The following RPS6KA2 variants were observed in gnomAD, a reference collection of about 807,000 sequenced individuals.
The protein encoded by RPS6KA2 is ribosomal protein S6 kinase alpha-2.
Under a neutral mutation model 91.8 loss-of-function variants are expected in RPS6KA2, and 42 were observed. That is an observed-to-expected ratio of 0.46 (90% CI 0.36 to 0.59). The LOEUF (loss-of-function observed/expected upper bound fraction) is 0.59, where lower values mean the gene tolerates loss of function less well. Ranked by LOEUF, RPS6KA2 falls within the 20% of genes least tolerant of loss-of-function variation. The pLI, the probability that RPS6KA2 is intolerant of heterozygous loss-of-function variation, is 0.00. For missense variants in RPS6KA2, 798 were observed against 978.5 expected (o/e 0.82, Z 2.46); for synonymous variants, 414 against 393.6 (o/e 1.05, Z -0.61).
intron 2 of RPS6KA2, among the ~76,000 whole-genome samples, chr6:166,842,186 A>C (rs1468850454): frequency 6.6e-6 from 1 of 152,210 alleles, no homozygotes; most frequent in African/African-American, 2.4e-5. Context: ...GTTCCCAAGC[A>C]CAGTATCTGC....
chr6:166,845,706 C>G (rs1319241986), intron 2 of RPS6KA2, among the ~76,000 whole-genome samples: 2 of 152,084 alleles, frequency 1.3e-5, no homozygotes, highest in Non-Finnish European at 2.9e-5. Context: ...TGGGATACAG[C>G]AAATGCAGTG....
Position 166,767,775 on chromosome 6 carries a change from A to T in RPS6KA2, c.123+90425T>A. The stretch of plus-strand genomic sequence containing the variant: ...AGAACTAAAGACAATACCTCCTCAA[A>T]CACACACACACACACACACACACAC... On this transcript the variant is annotated intron_variant, in intron 2 of 21. Transcript: ENST00000503859. The surrounding 1 kb of genome is among the most constrained non-coding windows in gnomAD (Gnocchi z 4.6). Among the ~76,000 whole-genome samples the T allele has an allele frequency of 3.1e-4, 1 of 3,272 alleles. No homozygotes were observed. Among genetic ancestry groups the T allele is most frequent in the South Asian group, 6.6e-3 (1 of 152 alleles). 2.1% of individuals were successfully genotyped at this position (3,272 alleles called of 152,430 possible).
intron 1 of RPS6KA2, among the ~76,000 whole-genome samples, chr6:166,602,044 A>C (rs531284335): frequency 6.6e-6 from 1 of 152,372 alleles, no homozygotes; most frequent in South Asian, 2.1e-4. Flanking sequence ...AGAGAAAAGG[A>C]GAACAGGAAC....
chr6:166,561,899 G>A (rs772235967), intron 1 of RPS6KA2, among the ~76,000 whole-genome samples: 1 of 152,116 alleles, frequency 6.6e-6, no homozygotes, highest in African/African-American at 2.4e-5. Context: ...AGGGAGGAGA[G>A]AGCGGCCACC....
intron 2 of RPS6KA2, among the ~76,000 whole-genome samples, chr6:166,643,477 C>T (rs1487461127): frequency 6.6e-6 from 1 of 152,192 alleles, no homozygotes; most frequent in Admixed American, 6.5e-5. Context: ...AAAAGCACTA[C>T]ATATTGATGA....
intron 14 of RPS6KA2, among the ~76,000 whole-genome samples, chr6:166,441,147 C>T (rs1205042454): frequency 1.3e-5 from 2 of 152,200 alleles, no homozygotes; most frequent in Admixed American, 1.3e-4. Context: ...CGTCTCCTTC[C>T]TTGTCCATCT....
At chr6:166,420,101 T>G in intron 17 of RPS6KA2, 143 bp from the exon 18 acceptor site, 1 of 723,318 alleles carries the variant, frequency 1.4e-6, no homozygotes, top group East Asian at 2.8e-5. Context: ...CCACTGTTTC[T>G]TAAGGCAAAG....
chr6:166,567,125 G>A (rs554232528), intron 1 of RPS6KA2, among the ~76,000 whole-genome samples: 7 of 152,290 alleles, frequency 4.6e-5, no homozygotes, highest in Admixed American at 3.9e-4. Flanking sequence ...AAACACAGAG[G>A]CCTTCGCTGC....
intron 10 of RPS6KA2, among the ~76,000 whole-genome samples, chr6:166,481,400 C>T (rs184320360): frequency 1.3e-5 from 2 of 152,392 alleles, no homozygotes; most frequent in East Asian, 3.8e-4. Flanking sequence ...GCTCTGGAAT[C>T]AAGCCAAGGT....
intron 2 of RPS6KA2, among the ~76,000 whole-genome samples, chr6:166,851,700 C>G (rs1780751126): frequency 6.6e-6 from 1 of 152,166 alleles, no homozygotes; most frequent in Non-Finnish European, 1.5e-5. Context: ...TCCTCTGTTT[C>G]TCGGAAAGAA....
chr6:166,639,518 G>A lies in RPS6KA2; in HGVS notation c.124-100734C>T, dbSNP rs1787361013. ...ATCTGGTTCAGTTACCCCAGGGCAT[G>A]CATAGCTCCAGAGCTTGGAAGCTTG... On this transcript the variant is annotated intron_variant, in intron 2 of 21. Transcript: ENST00000503859. The surrounding 1 kb of genome is among the most constrained non-coding windows in gnomAD (Gnocchi z 4.2). 6.6e-6 allele frequency among the ~76,000 whole-genome samples: 1 copy of A among 152,188 alleles called. No individual in the cohort carries two copies. The highest frequency in any genetic ancestry group is 1.5e-5 in the Non-Finnish European group (1 of 68,044).
rs189952800 is a variant in RPS6KA2 at position 166,493,781 on chromosome 6, C to T, written c.748-3040G>A. 1.3e-3 allele frequency among the ~76,000 whole-genome samples: 202 copies of T among 152,304 alleles called. 1 individual carries two copies. The highest frequency in any genetic ancestry group is 4.5e-3 in the African/African-American group (186 of 41,558). On this transcript the variant is annotated intron_variant, in intron 8 of 20. Transcript: ENST00000265678. The surrounding 1 kb of genome is among the most constrained non-coding windows in gnomAD (Gnocchi z 4.7). ...TGCCCGGGAGCCCTGGTGCTACAGG[C>T]GTCCACTGAGGGAGGCACAGATGCT...
chr6:166,410,244 T>A lies in RPS6KA2; in HGVS notation c.*2518A>T, dbSNP rs1464964311. ...CAGTTAACTTTTGGGGAGGTCTATG[T>A]CATTTGTGCAAATCATACGGAGCAT... is the stretch of plus-strand genomic sequence containing the variant. On this transcript the variant is annotated 3_prime_UTR_variant, in exon 21 of 21. Transcript: ENST00000265678. 6.6e-6 allele frequency: 1 copy of A among 152,252 alleles called. No individual in the cohort carries two copies. The highest frequency in any genetic ancestry group is 2.4e-5 in the African/African-American group (1 of 41,460). 9.4% of individuals were successfully genotyped at this position (152,252 alleles called of 1,614,324 possible). A position where few individuals can be genotyped will look rare whatever the true frequency, so the allele number is the denominator to read the frequency against.
rs1778642463 is a variant in RPS6KA2, at chr6:166,419,238, G to A, written c.1820+644C>T. Among the ~76,000 whole-genome samples the A allele has an allele frequency of 6.6e-6, 1 of 152,198 alleles. No homozygotes were observed. The highest frequency in any genetic ancestry group is 6.5e-5 in the Admixed American group (1 of 15,278). ...GCCTCCATTCAAGTATTTAATAAAC[G>A]TAATAGGAACCAGCGGATCTTGTAA... On this transcript the variant is annotated intron_variant, in intron 18 of 20. Transcript: ENST00000265678. The surrounding 1 kb of genome is among the most constrained non-coding windows in gnomAD (Gnocchi z 5.6).
In RPS6KA2 at chr6:166,533,338, C is replaced by T. The variant is rs367872553; in HGVS notation, c.217-2025G>A. On this transcript the variant is annotated intron_variant, in intron 2 of 20. Transcript: ENST00000265678. This position sits in a 1 kb window ranked among gnomAD's most constrained non-coding sequence, Gnocchi z 4.0. ...CAGGACAGTGCAGGGAGGAGGCAGGCGCAGCCCAGGAGTCCAGGAGCTGGG... is the reference window on the plus strand; with the variant it reads ...CAGGACAGTGCAGGGAGGAGGCAGGTGCAGCCCAGGAGTCCAGGAGCTGGG... Among the ~76,000 whole-genome samples the T allele has an allele frequency of 1.1e-3, 167 of 152,308 alleles. No homozygotes were observed. Among genetic ancestry groups the T allele is most frequent in the African/African-American group, 3.3e-3 (139 of 41,564 alleles).
chr6:166,636,351 C>G (rs990890218), intron 2 of RPS6KA2, among the ~76,000 whole-genome samples: 7 of 152,172 alleles, frequency 4.6e-5, no homozygotes, highest in Admixed American at 3.3e-4. Context: ...CCTGCAGAGG[C>G]CTTTCTGGAT....
chr6:166,541,325 G>A lies in RPS6KA2; in HGVS notation c.100-2541C>T, dbSNP rs533816647. Among the ~76,000 whole-genome samples the A allele has an allele frequency of 4.6e-5, 7 of 152,318 alleles. No homozygotes were observed. The South Asian group carries it at 1.5e-3, about 32-fold the overall frequency. ...ACACTGCAGCCACCACCCTTTCCTG[G>A]GGCACGTTTCCCAGCCCTTGTGTAT... is the stretch of plus-strand genomic sequence containing the variant. On this transcript the variant is annotated intron_variant, in intron 1 of 20. Transcript: ENST00000265678.
At chr6:166,801,367 A>G (rs1266319025) in intron 2 of RPS6KA2, among the ~76,000 whole-genome samples, 2 of 152,072 alleles carry the variant, frequency 1.3e-5, no homozygotes, top group African/African-American at 4.8e-5. Context: ...TTTTGAGATG[A>G]GGACTCGATC....
intron 2 of RPS6KA2, among the ~76,000 whole-genome samples, chr6:166,721,243 G>A (rs1426172815): frequency 1.3e-5 from 2 of 152,210 alleles, no homozygotes; most frequent in African/African-American, 2.4e-5. Flanking sequence ...TCGGGGGTGC[G>A]ACTGAGGGTC....
Sources: gnomAD v4.1 joint callset for allele counts (sites outside exome capture counted in the v4.1 genomes callset) on GRCh38, gnomAD v4.1.1 for gene constraint, Gnocchi (gnomAD v3.1) non-coding constraint, MANE v1.5 for transcripts, NCBI Gene and HGNC (gene_info 2026-07-23, HGNC 2026-07-21) for gene names.